SEMA6B: variants seen among roughly 807,000 people sequenced by gnomAD.
SEMA6B encodes the protein semaphorin 6B, also known as semaphorin-6B.
A neutral mutation model predicts 78.6 loss-of-function variants in SEMA6B; 47 were observed. The ratio of observed to expected loss-of-function variants is 0.60; its 90% confidence interval spans 0.47 to 0.76. The LOEUF is 0.76. Ranked by LOEUF, SEMA6B falls within the 30% of genes least tolerant of loss-of-function variation. The pLI, the probability that SEMA6B is intolerant of heterozygous loss-of-function variation, is 0.00. For missense variants in SEMA6B, 1,213 were observed against 1,269.9 expected (o/e 0.96, Z 0.68); for synonymous variants, 632 against 592.2 (o/e 1.07, Z -0.98).
In SEMA6B at chr19:4,544,267, T is replaced by TCCGCCC. The variant is rs1158247571; in HGVS notation, c.1995_2000dup (p.Gly671_Gly672dup). 3 of 1,298,836 alleles carry TCCGCCC rather than the reference T, an allele frequency of 2.3e-6. No individual in the cohort carries two copies. Among genetic ancestry groups the TCCGCCC allele is most frequent in the Non-Finnish European group, 2.9e-6 (3 of 1,028,434 alleles). 80.5% of individuals were successfully genotyped at this position (1,298,836 alleles called of 1,614,324 possible). On this transcript the variant is annotated inframe_insertion, in exon 17 of 17. Transcript: ENST00000586582. The surrounding 1 kb of genome is among the most constrained non-coding windows in gnomAD (Gnocchi z 5.1). ...GAACCCCGGCGCCACCGCCACCGCCTCCGCCCCGGCCCCCGGGACCCTGCG... is the reference window on the plus strand; with the variant it reads ...GAACCCCGGCGCCACCGCCACCGCCTCCGCCCCCGCCCCGGCCCCCGGGACCCTGCG...
chr19:4,550,370 G>T lies in SEMA6B; in HGVS notation c.1122-98C>A. The stretch of plus-strand genomic sequence containing the variant: ...CCATTGCTTTGCCCAACGACCCTCA[G>T]GTTTTTTGTTTGTTTTGTTTTTGAG... On this transcript the variant is annotated intron_variant, in intron 11 of 16. Transcript: ENST00000586582. This position sits in a 1 kb window ranked among gnomAD's most constrained non-coding sequence, Gnocchi z 6.6. 1 of 1,243,988 alleles carries T rather than the reference G, an allele frequency of 8.0e-7. No homozygotes were observed. The highest frequency in any genetic ancestry group is 1.1e-6 in the Non-Finnish European group (1 of 900,044). 77.1% of individuals were successfully genotyped at this position (1,243,988 alleles called of 1,614,324 possible).
At position 4,546,468 on chromosome 19, in the gene SEMA6B, T is replaced by C. The variant is rs1278009796; in HGVS notation, c.1603A>G (p.Asn535Asp). ...TAGGGGTCCTGACTGCCGATACAGT[T>C]CCTAGAGCAGACCAGGGACCGAATG... ...RCQQYSGCMK[N>D]CIGSQDPYCG... The change falls in exon 15 of 17, where the codon AAC (asparagine) becomes GAC (aspartate). Residue 535 changes from asparagine to aspartate, a missense_variant and splice_region_variant. Coordinates refer to ENST00000586582, the MANE Select transcript of SEMA6B (RefSeq NM_032108.4). 6.4e-7 allele frequency: 1 copy of C among 1,557,826 alleles called. No homozygotes were observed.
In SEMA6B at chr19:4,543,564, G is replaced by A. The variant is rs749635008; in HGVS notation, c.*37C>T. 2.7e-6 allele frequency: 3 copies of A among 1,110,534 alleles called. No homozygotes were observed. Among genetic ancestry groups the A allele is most frequent in the East Asian group, 3.2e-5 (1 of 31,572 alleles). The allele number at this position is 1,110,534 out of a possible 1,614,324, so 68.8% of individuals were successfully genotyped here. On this transcript the variant is annotated 3_prime_UTR_variant, in exon 17 of 17. Coordinates refer to ENST00000586582, the MANE Select transcript of SEMA6B (RefSeq NM_032108.4). ...GCACCGTCTCTCGCTCCTGGTTCCC[G>A]TGGCTGGCACTGCCAAGGCATCGGG...
At chr19:4,548,573 CGT>C (rs1330047086) in intron 12 of SEMA6B, 128 bp from the exon 13 acceptor site, 2 of 850,054 alleles carry the variant, frequency 2.4e-6, no homozygotes, top group East Asian at 2.7e-5. Flanking sequence ...GCAATAAATG[CGT>C]GTGTGCATGG....
In SEMA6B at chr19:4,558,222, T is replaced by A; in HGVS notation, c.122-73A>T. 7.4e-7 allele frequency: 1 copy of A among 1,344,274 alleles called. No homozygotes were observed. Among genetic ancestry groups the A allele is most frequent in the Non-Finnish European group, 9.7e-7 (1 of 1,035,452 alleles). 83.3% of individuals were successfully genotyped at this position (1,344,274 alleles called of 1,614,324 possible). On this transcript the variant is annotated intron_variant, in intron 2 of 16. Transcript: ENST00000586582. This position sits in a 1 kb window ranked among gnomAD's most constrained non-coding sequence, Gnocchi z 5.1. ...AGAGGGTGGCCTGAGGTCATGCCCC[T>A]TCTAGGGGTGGCTCCTGGACTGCTT...
chr19:4,554,462 G>T lies in SEMA6B; in HGVS notation c.697C>A (p.His233Asn). ...ACATGGCTGCCCCACTCCACCGCATGGACAAAGTAAGGCTCTGCAGGACAG... is the reference window on the plus strand; with the variant it reads ...ACATGGCTGCCCCACTCCACCGCATTGACAAAGTAAGGCTCTGCAGGACAG... ...SKWFKEPYFV[H>N]AVEWGSHVYF... is the part of the protein sequence containing the mutation. Residue 233 changes from histidine to asparagine, a missense_variant, in exon 9 of 17, where the codon CAT becomes AAT. Coordinates refer to ENST00000586582, the MANE Select transcript of SEMA6B (RefSeq NM_032108.4). 1 of 1,613,802 alleles carries T rather than the reference G, an allele frequency of 6.2e-7. No homozygotes were observed. The highest frequency in any genetic ancestry group is 8.5e-7 in the Non-Finnish European group (1 of 1,179,884).
Position 4,555,861 on chromosome 19 carries a change from G to A in SEMA6B, c.471+127C>T. 1.3e-6 allele frequency: 1 copy of A among 784,460 alleles called. No homozygotes were observed. Among genetic ancestry groups the A allele is most frequent in the Non-Finnish European group, 2.2e-6 (1 of 451,572 alleles). The allele number at this position is 784,460 out of a possible 1,614,324, so 48.6% of individuals were successfully genotyped here. A position where few individuals can be genotyped will look rare whatever the true frequency, so the allele number is the denominator to read the frequency against. On this transcript the variant is annotated intron_variant, in intron 6 of 16. Coordinates refer to ENST00000586582, the MANE Select transcript of SEMA6B (RefSeq NM_032108.4). This position sits in a 1 kb window ranked among gnomAD's most constrained non-coding sequence, Gnocchi z 6.1. The stretch of plus-strand genomic sequence containing the variant: ...TCTTGAGCTCAGGGGGAGGAGGCAG[G>A]GAGAGTATATCCAGGAAGGCTTCCT...
In SEMA6B at chr19:4,546,255, C is replaced by T. The variant is rs140144831; in HGVS notation, c.1699G>A (p.Val567Met). The T allele has an allele frequency of 3.1e-6, 5 of 1,613,272 alleles. No individual in the cohort carries two copies. Among genetic ancestry groups the T allele is most frequent in the East Asian group, 4.5e-5 (2 of 44,882 alleles). Residue 567 changes from valine to methionine, a missense_variant, in exon 16 of 17, where the codon GTG (valine) becomes ATG (methionine). By Grantham distance (21) the Val-to-Met change is conservative. Coordinates refer to ENST00000586582, the MANE Select transcript of SEMA6B (RefSeq NM_032108.4). ...AAGCCTGAGGTGCTGGCCCCGGACA[C>T]GTCCTGCTCAAAGGCGGCTCTAATG... ...PGTRAAFEQDVSGASTSGLGD... is the reference protein window; with the variant it reads ...PGTRAAFEQDMSGASTSGLGD...
Position 4,544,004 on chromosome 19 carries a change from G to A in SEMA6B, c.2264C>T (p.Pro755Leu). The change falls in exon 17 of 17, where the codon CCC becomes CTC. Residue 755 changes from proline to leucine, a missense_variant. Physicochemically the swap from Pro to Leu is moderately conservative, Grantham distance 98 (BLOSUM62 -3). Coordinates refer to ENST00000586582, the MANE Select transcript of SEMA6B (RefSeq NM_032108.4). This position sits in a 1 kb window ranked among gnomAD's most constrained non-coding sequence, Gnocchi z 5.1. ...SASSSLLLLAPARAPEQPPAP... is the reference protein window; with the variant it reads ...SASSSLLLLALARAPEQPPAP... The stretch of plus-strand genomic sequence containing the variant: ...GGGGGGCTGCTCGGGGGCCCGGGCG[G>A]GCGCCAGCAGCAGGAGGGAGGATGA... The A allele has an allele frequency of 8.3e-7, 1 of 1,210,504 alleles. No homozygotes were observed. Among genetic ancestry groups the A allele is most frequent in the Non-Finnish European group, 1.0e-6 (1 of 974,668 alleles). The allele number at this position is 1,210,504 out of a possible 1,614,324, so 75.0% of individuals were successfully genotyped here. A position where few individuals can be genotyped will look rare whatever the true frequency, so the allele number is the denominator to read the frequency against.
At position 4,550,171 on chromosome 19, in the gene SEMA6B, G is replaced by A. The variant is rs142864702; in HGVS notation, c.1223C>T (p.Ala408Val). Reference protein sequence around the residue: ...FVKTHPLMDEAVPSLGHAPWI... With the variant: ...FVKTHPLMDEVVPSLGHAPWI... ...GGGCGCATGGCCCAGCGAGGGCACC[G>A]CCTCGTCCATCAGAGGGTGGGTCTT... The change falls in exon 12 of 17, where the codon GCG becomes GTG. Residue 408 changes from alanine to valine, a missense_variant. Ala to Val is a moderately conservative substitution (Grantham distance 64, BLOSUM62 0). Transcript: ENST00000586582. The surrounding 1 kb of genome is among the most constrained non-coding windows in gnomAD (Gnocchi z 6.6). 1.7e-3 allele frequency: 2,675 copies of A among 1,613,802 alleles called. 4 individuals are homozygous for A. Among genetic ancestry groups the A allele is most frequent in the Admixed American group, 2.0e-3 (123 of 60,002 alleles).
At position 4,544,565 on chromosome 19, in the gene SEMA6B, CGGGGT is replaced by C; in HGVS notation, c.1739-41_1739-37del. The C allele has an allele frequency of 7.3e-7, 1 of 1,376,038 alleles. No individual in the cohort carries two copies. Among genetic ancestry groups the C allele is most frequent in the Non-Finnish European group, 9.5e-7 (1 of 1,049,382 alleles). The allele number at this position is 1,376,038 out of a possible 1,614,324, so 85.2% of individuals were successfully genotyped here. A position where few individuals can be genotyped will look rare whatever the true frequency, so the allele number is the denominator to read the frequency against. ...AGCACAGGGGGGTTAGTGGGGCCGG[CGGGGT>C]GGCCCTGGGCATCCCTCCTACCTCC... On this transcript the variant is annotated intron_variant, in intron 16 of 16. Coordinates refer to ENST00000586582, the MANE Select transcript of SEMA6B (RefSeq NM_032108.4). The surrounding 1 kb of genome is among the most constrained non-coding windows in gnomAD (Gnocchi z 5.1).
intron 14 of SEMA6B, among the ~76,000 whole-genome samples, 195 bp from the exon 15 acceptor site, chr19:4,546,664 G>A (rs1048809663): frequency 1.3e-5 from 2 of 151,878 alleles, no homozygotes; most frequent in African/African-American, 2.4e-5. Flanking sequence ...CGCTCTTGTC[G>A]CCCAGGCTGG....
rs148915946 is a variant in SEMA6B at position 4,558,093 on chromosome 19, C to T, written c.178G>A (p.Glu60Lys). ...TGGATGTTGAGGTCGTCAGCACCTT[C>T]TGCGGGGGTCAGGCGTCCGGGCCCG... is the stretch of plus-strand genomic sequence containing the variant. ...GSGPGRLTPA[E>K]GADDLNIQRV... The change falls in exon 3 of 17, where the codon GAA becomes AAA. Residue 60 changes from glutamate to lysine, a missense_variant. Coordinates refer to ENST00000586582, the MANE Select transcript of SEMA6B (RefSeq NM_032108.4). The surrounding 1 kb of genome is among the most constrained non-coding windows in gnomAD (Gnocchi z 5.1). 1.1e-5 allele frequency: 17 copies of T among 1,535,550 alleles called. No individual in the cohort carries two copies. In the African/African-American group the frequency reaches 2.2e-4, roughly 20 times the overall value.
chr19:4,545,561 A>G (rs942920119), intron 16 of SEMA6B, among the ~76,000 whole-genome samples: 5 of 152,108 alleles, frequency 3.3e-5, no homozygotes, highest in African/African-American at 1.2e-4. Flanking sequence ...GCTGGTCTCA[A>G]ACTCCTGACC....
At chr19:4,546,961 A>ATT (rs11433686) in intron 14 of SEMA6B, among the ~76,000 whole-genome samples, 45 of 148,392 alleles carry the variant, frequency 3.0e-4, no homozygotes, top group African/African-American at 6.0e-4. Context: ...TTAAAATTTA[A>ATT]TTTTTTTTTT....
At chr19:4,557,781 C>T (rs556378307) in intron 3 of SEMA6B, among the ~76,000 whole-genome samples, 1 of 152,306 alleles carries the variant, frequency 6.6e-6, no homozygotes, top group African/African-American at 2.4e-5. Flanking sequence ...ATTCCATTCT[C>T]GCCCCCTCCC....
chr19:4,559,192 C>CAA (rs11295195), intron 1 of SEMA6B, among the ~76,000 whole-genome samples: 24 of 107,674 alleles, frequency 2.2e-4, no homozygotes, highest in African/African-American at 7.5e-4. Flanking sequence ...AGACTCCATC[C>CAA]AAAAAAAAAA....
In SEMA6B at chr19:4,558,434, A is replaced by G. The variant is rs1352653579; in HGVS notation, c.24T>C (p.Pro8=). ...GCAGAAGCAGCAGGGCCGGGCGGGG[A>G]GGGGACGCTCGCGGGGTCTGCATGG... MQTPRAS[P]PRPALLLLLL... Residue 8 remains proline (P), a synonymous_variant, in exon 2 of 17, where the codon CCT becomes CCC. Transcript: ENST00000586582. The surrounding 1 kb of genome is among the most constrained non-coding windows in gnomAD (Gnocchi z 5.1). The G allele has an allele frequency of 4.4e-5, 42 of 964,854 alleles. No homozygotes were observed. Among genetic ancestry groups the G allele is most frequent in the Non-Finnish European group, 4.8e-5 (36 of 754,962 alleles). The allele number at this position is 964,854 out of a possible 1,614,324, so 59.8% of individuals were successfully genotyped here.
Position 4,558,471 on chromosome 19 carries a change from C to G in SEMA6B, c.-14G>C. 1 of 1,240,484 alleles carries G rather than the reference C, an allele frequency of 8.1e-7. No individual in the cohort carries two copies. The highest frequency in any genetic ancestry group is 1.0e-6 in the Non-Finnish European group (1 of 988,812). 76.8% of individuals were successfully genotyped at this position (1,240,484 alleles called of 1,614,324 possible). A position where few individuals can be genotyped will look rare whatever the true frequency, so the allele number is the denominator to read the frequency against. On this transcript the variant is annotated 5_prime_UTR_variant, in exon 2 of 17. Coordinates refer to ENST00000586582, the MANE Select transcript of SEMA6B (RefSeq NM_032108.4). The surrounding 1 kb of genome is among the most constrained non-coding windows in gnomAD (Gnocchi z 5.1). ...CGGGGTCTGCATGGCGAGGGCCAGG[C>G]GACAGGAGGAGGTGACGCCTGCGGG...
Sources: allele counts gnomAD v4.1 joint callset (sites outside exome capture counted in the v4.1 genomes callset), GRCh38; gene constraint gnomAD v4.1.1; non-coding constraint Gnocchi (gnomAD v3.1); transcripts MANE v1.5; gene names NCBI Gene and HGNC (gene_info 2026-07-23, HGNC 2026-07-21).